The following EPGN variants were observed in gnomAD, a reference collection of about 807,000 sequenced individuals.
The protein encoded by EPGN is epigen.
Under a neutral mutation model 20.7 loss-of-function variants are expected in EPGN, and 21 were observed. The observed-to-expected ratio is 1.01, with a 90% CI of 0.72 to 1.46. The LOEUF (loss-of-function observed/expected upper bound fraction) is 1.46. EPGN is among the 40% of genes most tolerant of loss of function. The pLI is 0.00. For missense variants in EPGN, 199 were observed against 180.7 expected (o/e 1.10, Z -0.58); for synonymous variants, 69 against 63.8 (o/e 1.08, Z -0.39).
intron 2 of EPGN, 38 bp from the exon 3 acceptor site, chr4:74,312,145 GAC>G (rs779344447): frequency 1.3e-6 from 2 of 1,558,910 alleles, no homozygotes; most frequent in South Asian, 2.5e-5. Flanking sequence ...ATAAAAGTAA[GAC>G]ACATTTCATT....
chr4:74,313,320 T>G (rs573701936), intron 4 of EPGN, 150 bp downstream of exon 4: 1 of 1,405,928 alleles, frequency 7.1e-7, no homozygotes, highest in East Asian at 2.7e-5. Flanking sequence ...TGTAATATTT[T>G]TCATGCCTTT....
intron 4 of EPGN, 162 bp downstream of exon 4, chr4:74,313,332 C>T (rs1751089339): frequency 1.4e-6 from 2 of 1,403,544 alleles, no homozygotes; most frequent in African/African-American, 3.0e-5. Flanking sequence ...CATGCCTTTT[C>T]TCATAAACCC....
Position 74,313,017 on chromosome 4 carries a change from G to A in EPGN, c.255-1G>A, listed in dbSNP as rs1404310276. The A allele has an allele frequency of 1.3e-6, 2 of 1,580,640 alleles. No homozygotes were observed. The highest frequency in any genetic ancestry group is 1.7e-6 in the Non-Finnish European group (2 of 1,171,598). ...ATTAAACTTTTTTTCTTTTTTTAAA[G>A]GTGTTTTACTGGTTATACTGGAGAA... On this transcript the variant is annotated splice_acceptor_variant, in intron 3 of 4. Transcript: ENST00000413830. LOFTEE classifies it high-confidence loss of function.
At chr4:74,312,723 A>G (rs768449026) in intron 3 of EPGN, among the ~76,000 whole-genome samples, 5 of 152,194 alleles carry the variant, frequency 3.3e-5, no homozygotes, top group Non-Finnish European at 7.3e-5. Flanking sequence ...TATTTTTATG[A>G]TCATGATTTG....
At chr4:74,313,853 T>TG (rs1751127163) in intron 4 of EPGN, among the ~76,000 whole-genome samples, 1 of 152,212 alleles carries the variant, frequency 6.6e-6, no homozygotes, top group Admixed American at 6.5e-5. Flanking sequence ...TCTAATAAGT[T>TG]GTCATTTCTA....
At position 74,313,074 on chromosome 4, in the gene EPGN, C is replaced by T; in HGVS notation, c.311C>T (p.Ala104Val). 1 of 1,612,922 alleles carries T rather than the reference C, an allele frequency of 6.2e-7. No individual in the cohort carries two copies. Among genetic ancestry groups the T allele is most frequent in the Non-Finnish European group, 8.5e-7 (1 of 1,179,524 alleles). Residue 104 changes from alanine (A) to valine (V), a missense_variant, in exon 4 of 5, where the codon GCT (alanine) becomes GTT (valine). Transcript: ENST00000413830. ...RCEHLTLTSY[A>V]VDSYEKYIAI... ...GAGCACTTGACTTTAACTTCATATG[C>T]TGTGGATTCTTATGAAAAATACATT...
Position 74,314,638 on chromosome 4 carries a change from G to C in EPGN, c.*1G>C. On this transcript the variant is annotated 3_prime_UTR_variant, in exon 5 of 5. Transcript: ENST00000413830. Reference sequence around the variant, plus strand: ...TTCTGGAGAAAGACGACCACTGTGAGGCCTTTGTGAAGAATTTTCATCAAG... The same window carrying C: ...TTCTGGAGAAAGACGACCACTGTGACGCCTTTGTGAAGAATTTTCATCAAG... 1 of 1,535,970 alleles carries C rather than the reference G, an allele frequency of 6.5e-7. No homozygotes were observed. Among genetic ancestry groups the C allele is most frequent in the East Asian group, 2.4e-5 (1 of 40,926 alleles).
At chr4:74,310,815 A>G (rs953152400) in intron 2 of EPGN, among the ~76,000 whole-genome samples, 1 of 152,196 alleles carries the variant, frequency 6.6e-6, no homozygotes, top group African/African-American at 2.4e-5. Flanking sequence ...TTGATTAGTT[A>G]TGCCTAAAAC....
At chr4:74,313,540 T>C in intron 4 of EPGN, 2 of 1,079,194 alleles carry the variant, frequency 1.9e-6, no homozygotes, top group South Asian at 4.4e-5. Context: ...CAACACACAC[T>C]GAGTAAATAT....
chr4:74,312,582 T>C lies in EPGN; in HGVS notation c.254+277T>C, dbSNP rs559299117. On this transcript the variant is annotated intron_variant, in intron 3 of 4. Coordinates refer to ENST00000413830, the MANE Select transcript of EPGN (RefSeq NM_001270989.2). ...GGATCTATGCTCTACCCCAGAACTATTGAATCAGAATCTGCATTTTTAACA... is the reference window on the plus strand; with the variant it reads ...GGATCTATGCTCTACCCCAGAACTACTGAATCAGAATCTGCATTTTTAACA... 7.2e-5 allele frequency among the ~76,000 whole-genome samples: 11 copies of C among 152,308 alleles called. No homozygotes were observed. In the South Asian group the frequency reaches 2.3e-3, roughly 32 times the overall value.
chr4:74,316,563 A>T lies in EPGN; in HGVS notation c.*1926A>T, dbSNP rs113126595. Among the ~76,000 whole-genome samples, 846 of 152,352 alleles carry T rather than the reference A, an allele frequency of 5.6e-3. 6 individuals carry two copies. The highest frequency in any genetic ancestry group is 0.019 in the African/African-American group (810 of 41,592). On this transcript the variant is annotated 3_prime_UTR_variant, in exon 5 of 5. Transcript: ENST00000413830. ...AAGGAATTTAATGCAAACGGATTGC[A>T]GTCAGCACTTTCTGAATGTTTTCAC...
Position 74,315,038 on chromosome 4 carries a change from C to T in EPGN, c.*401C>T, listed in dbSNP as rs567785799. 5.1e-4 allele frequency: 91 copies of T among 179,956 alleles called. 1 individual carries two copies. Among genetic ancestry groups the T allele is most frequent in the African/African-American group, 2.1e-3 (89 of 42,016 alleles). The allele number at this position is 179,956 out of a possible 1,614,324, so 11.1% of individuals were successfully genotyped here. A position where few individuals can be genotyped will look rare whatever the true frequency, so the allele number is the denominator to read the frequency against. Reference sequence around the variant, plus strand: ...GGTTCTTCATGTTCTTACTACCCAGCGTTTTTTACCACCTAGATGGGCCTC... The same window carrying T: ...GGTTCTTCATGTTCTTACTACCCAGTGTTTTTTACCACCTAGATGGGCCTC... On this transcript the variant is annotated 3_prime_UTR_variant, in exon 5 of 5. Coordinates refer to ENST00000413830, the MANE Select transcript of EPGN (RefSeq NM_001270989.2).
chr4:74,313,586 A>C, intron 4 of EPGN: 1 of 1,022,776 alleles, frequency 9.8e-7, no homozygotes, highest in Middle Eastern at 4.8e-4. Flanking sequence ...ACAAGTAAAA[A>C]CTGAATAAAA....
At position 74,310,474 on chromosome 4, in the gene EPGN, A is replaced by AAG. The variant is rs1311380804; in HGVS notation, c.133+1293_133+1294insGA. 2.0e-5 allele frequency among the ~76,000 whole-genome samples: 3 copies of AAG among 151,268 alleles called. No individual in the cohort carries two copies. In the East Asian group the frequency reaches 5.8e-4, roughly 29 times the overall value. ...GAGAGTCCGTCTCAAAAAAAAAAAA[A>AAG]AAAAAAAAAAAGAAGATAATATACT... On this transcript the variant is annotated intron_variant, in intron 2 of 4. Coordinates refer to ENST00000413830, the MANE Select transcript of EPGN (RefSeq NM_001270989.2).
chr4:74,309,194 C>G lies in EPGN; in HGVS notation c.133+12C>G. ...TAACAAAACAGAAGGTATTTTCTTCCCATTTTCATATTTCACAAGACTTTT... is the reference window on the plus strand; with the variant it reads ...TAACAAAACAGAAGGTATTTTCTTCGCATTTTCATATTTCACAAGACTTTT... On this transcript the variant is annotated intron_variant, in intron 2 of 4. Coordinates refer to ENST00000413830, the MANE Select transcript of EPGN (RefSeq NM_001270989.2). The G allele has an allele frequency of 6.2e-7, 1 of 1,607,344 alleles. No individual in the cohort carries two copies. Among genetic ancestry groups the G allele is most frequent in the Non-Finnish European group, 8.5e-7 (1 of 1,175,604 alleles).
intron 4 of EPGN, chr4:74,314,101 T>C (rs1213885098): frequency 4.4e-6 from 2 of 456,336 alleles, no homozygotes; most frequent in Non-Finnish European, 8.8e-6. Context: ...ATGTGATTAG[T>C]TGAGGGAGTA....
Position 74,309,201 on chromosome 4 carries a change from C to T in EPGN, c.133+19C>T. On this transcript the variant is annotated intron_variant, in intron 2 of 4. Transcript: ENST00000413830. ...ACAGAAGGTATTTTCTTCCCATTTT[C>T]ATATTTCACAAGACTTTTCTAAAAC... The T allele has an allele frequency of 1.2e-6, 2 of 1,603,552 alleles. No homozygotes were observed. The highest frequency in any genetic ancestry group is 1.7e-6 in the Non-Finnish European group (2 of 1,172,360).
In EPGN at chr4:74,313,098, T is replaced by C. The variant is rs781269217; in HGVS notation, c.335T>C (p.Ile112Thr). The C allele has an allele frequency of 6.2e-7, 1 of 1,613,330 alleles. No individual in the cohort carries two copies. The highest frequency in any genetic ancestry group is 1.1e-5 in the South Asian group (1 of 90,976). The change falls in exon 4 of 5, where the codon ATT becomes ACT. Residue 112 changes from isoleucine to threonine, a missense_variant. Coordinates refer to ENST00000413830, the MANE Select transcript of EPGN (RefSeq NM_001270989.2). ...SYAVDSYEKYIAIGIGVGLLL... is the reference protein window; with the variant it reads ...SYAVDSYEKYTAIGIGVGLLL... Reference sequence around the variant, plus strand: ...GCTGTGGATTCTTATGAAAAATACATTGCAATTGGGATTGGTGTTGGATTA... The same window carrying C: ...GCTGTGGATTCTTATGAAAAATACACTGCAATTGGGATTGGTGTTGGATTA...
intron 2 of EPGN, among the ~76,000 whole-genome samples, chr4:74,310,591 A>G (rs1428401502): frequency 6.6e-6 from 1 of 152,062 alleles, no homozygotes; most frequent in Admixed American, 6.6e-5. Flanking sequence ...TTAATGGTGA[A>G]CAGCAAATAA....
Sources: gnomAD v4.1 joint callset for allele counts (sites outside exome capture counted in the v4.1 genomes callset) on GRCh38, gnomAD v4.1.1 for gene constraint, MANE v1.5 for transcripts, NCBI Gene and HGNC (gene_info 2026-07-23, HGNC 2026-07-21) for gene names.